NPTN: variants seen among roughly 807,000 people sequenced by gnomAD.
The protein encoded by NPTN is neuroplastin, also known as SDR-1.
NPTN carries 5 observed loss-of-function variants against 42.7 expected under a neutral mutation model. That is an observed-to-expected ratio of 0.12 (90% confidence interval 0.06 to 0.25). The LOEUF (loss-of-function observed/expected upper bound fraction) is 0.25. Among genes scored for constraint, NPTN ranks in the 10% least tolerant of loss-of-function variants. The pLI is 1.00. For synonymous variants in NPTN, 180 were observed against 201.9 expected (o/e 0.89, Z 0.92); for missense variants, 307 against 525.4 (o/e 0.58, Z 4.06).
At chr15:73,582,934 G>A (rs1896125645) in intron 4 of NPTN, among the ~76,000 whole-genome samples, 2 of 152,102 alleles carry the variant, frequency 1.3e-5, no homozygotes, top group Admixed American at 6.6e-5. Context: ...TTTGAGACTC[G>A]GACTGGCTCT....
Position 73,569,339 on chromosome 15 carries a change from A to AT in NPTN, c.1114+810dup, listed in dbSNP as rs1386046549. ...TCCCAAGGCTTTTCTGACTCTAGGC[A>AT]TATCCAATAACCTAAGATTTCAGCT... is the stretch of plus-strand genomic sequence containing the variant. On this transcript the variant is annotated intron_variant, in intron 6 of 8. Transcript: ENST00000345330. The surrounding 1 kb of genome is among the most constrained non-coding windows in gnomAD (Gnocchi z 4.1). 1.0e-6 allele frequency: 1 copy of AT among 985,460 alleles called. No individual in the cohort carries two copies. The highest frequency in any genetic ancestry group is 1.7e-5 in the African/African-American group (1 of 57,246). 61.0% of individuals were successfully genotyped at this position (985,460 alleles called of 1,614,324 possible). A position where few individuals can be genotyped will look rare whatever the true frequency, so the allele number is the denominator to read the frequency against.
At chr15:73,616,524 G>A (rs553372383) in intron 1 of NPTN, among the ~76,000 whole-genome samples, 1 of 152,234 alleles carries the variant, frequency 6.6e-6, no homozygotes, top group Middle Eastern at 3.4e-3. Flanking sequence ...TCTGACTCCT[G>A]TTCACTAATG....
chr15:73,567,263 C>A, intron 6 of NPTN: 3 of 985,202 alleles, frequency 3.0e-6, no homozygotes, highest in Non-Finnish European at 3.6e-6. Context: ...TGAAATGAGC[C>A]ATGGGTGTAT....
chr15:73,586,229 A>G (rs6495069), intron 4 of NPTN, among the ~76,000 whole-genome samples: 84,591 of 152,058 alleles, frequency 0.56, 23,672 homozygotes, highest in African/African-American at 0.6. Context: ...GAGAGGTCTC[A>G]CCACAAATTT....
intron 1 of NPTN, among the ~76,000 whole-genome samples, chr15:73,619,233 C>G (rs1898011467): frequency 6.6e-6 from 1 of 152,024 alleles, no homozygotes; most frequent in Admixed American, 6.6e-5. Context: ...CTATTTAGAT[C>G]ATTGTCTTAA....
At chr15:73,588,544 C>T (rs1016705473) in intron 3 of NPTN, among the ~76,000 whole-genome samples, 8 of 152,220 alleles carry the variant, frequency 5.3e-5, no homozygotes, top group Non-Finnish European at 1.2e-4. Context: ...TCCCTAGCTC[C>T]ATCCCATGCC....
intron 1 of NPTN, among the ~76,000 whole-genome samples, chr15:73,626,612 C>A (rs1049782474): frequency 6.6e-6 from 1 of 152,162 alleles, no homozygotes; most frequent in Non-Finnish European, 1.5e-5. Flanking sequence ...ATATGCAAAA[C>A]AAACTCTTAC....
At chr15:73,619,499 T>C (rs1898027322) in intron 1 of NPTN, among the ~76,000 whole-genome samples, 1 of 152,216 alleles carries the variant, frequency 6.6e-6, no homozygotes, top group African/African-American at 2.4e-5. Flanking sequence ...GTGCAATACA[T>C]TACTGTAGTA....
At chr15:73,614,528 T>A (rs1002822059) in intron 1 of NPTN, among the ~76,000 whole-genome samples, 1 of 152,280 alleles carries the variant, frequency 6.6e-6, no homozygotes, top group Non-Finnish European at 1.5e-5. Flanking sequence ...TATGAATCCA[T>A]GAAGATGCAC....
intron 1 of NPTN, among the ~76,000 whole-genome samples, chr15:73,608,390 T>C (rs1595950230): frequency 6.6e-6 from 1 of 152,220 alleles, no homozygotes; most frequent in Non-Finnish European, 1.5e-5. Flanking sequence ...CATTGAAATC[T>C]AAATCTAGCC....
At chr15:73,624,254 A>G (rs1444578571) in intron 1 of NPTN, among the ~76,000 whole-genome samples, 1 of 152,224 alleles carries the variant, frequency 6.6e-6, no homozygotes, top group East Asian at 1.9e-4. Flanking sequence ...TTATTTGTGT[A>G]AGGGTAATTC....
chr15:73,587,733 T>C, intron 3 of NPTN, 115 bp from the exon 4 acceptor site: 1 of 712,440 alleles, frequency 1.4e-6, no homozygotes, highest in Non-Finnish European at 2.4e-6. Flanking sequence ...TTAATGCAAC[T>C]CACCTCCTTC....
chr15:73,567,207 C>T, intron 6 of NPTN: 1 of 984,906 alleles, frequency 1.0e-6, no homozygotes. Context: ...ACAGACTGCC[C>T]AAAATATGAC....
chr15:73,619,353 C>T (rs1898017424), intron 1 of NPTN, among the ~76,000 whole-genome samples: 1 of 152,154 alleles, frequency 6.6e-6, no homozygotes, highest in African/African-American at 2.4e-5. Flanking sequence ...AAATGTAAAA[C>T]TTTCAAAACA....
intron 1 of NPTN, among the ~76,000 whole-genome samples, chr15:73,602,056 A>G (rs1214336645): frequency 6.6e-6 from 1 of 152,206 alleles, no homozygotes; most frequent in Non-Finnish European, 1.5e-5. Flanking sequence ...GGAAACACAG[A>G]AGAGCAAGTT....
intron 1 of NPTN, among the ~76,000 whole-genome samples, chr15:73,614,664 G>A (rs933291197): frequency 2.6e-5 from 4 of 152,122 alleles, no homozygotes; most frequent in African/African-American, 9.7e-5. Flanking sequence ...TAAAAGAAAG[G>A]TGAGGAATAA....
intron 2 of NPTN, among the ~76,000 whole-genome samples, chr15:73,596,813 CAG>C (rs1320838828): frequency 6.6e-6 from 1 of 151,044 alleles, no homozygotes; most frequent in Admixed American, 6.6e-5. Flanking sequence ...ATAAGGGAGG[CAG>C]AGAGAACGGC....
intron 2 of NPTN, among the ~76,000 whole-genome samples, chr15:73,596,186 G>C (rs1896827513): frequency 6.6e-6 from 1 of 152,188 alleles, no homozygotes; most frequent in Non-Finnish European, 1.5e-5. Context: ...GTGTCACCTG[G>C]CTCCTAACAG....
chr15:73,599,374 G>GGGA (rs1896974442), intron 1 of NPTN: 1 of 153,662 alleles, frequency 6.5e-6, no homozygotes, highest in South Asian at 2.1e-4. Flanking sequence ...CCAGCACTTT[G>GGGA]GGAGGCTGAG....
Sources: gnomAD v4.1 joint callset for allele counts (sites outside exome capture counted in the v4.1 genomes callset) on GRCh38, gnomAD v4.1.1 for gene constraint, Gnocchi (gnomAD v3.1) non-coding constraint, MANE v1.5 for transcripts, NCBI Gene and HGNC (gene_info 2026-07-23, HGNC 2026-07-21) for gene names.